The following KDM4C variants were observed in gnomAD, a reference collection of about 807,000 sequenced individuals.
The protein encoded by KDM4C is lysine-specific demethylase 4C.
In KDM4C, 81 loss-of-function variants were observed where a neutral mutation model predicts 129.3. The ratio of observed to expected loss-of-function variants is 0.63; its 90% CI spans 0.52 to 0.75. The LOEUF (loss-of-function observed/expected upper bound fraction) is 0.75, where lower values mean the gene tolerates loss of function less well. KDM4C is among the 30% of genes least tolerant of loss of function. KDM4C has a pLI of 0.00. For synonymous variants in KDM4C, 573 were observed against 456.1 expected (o/e 1.26, Z -3.26); for missense variants, 1,457 against 1,304.0 (o/e 1.12, Z -1.81).
intron 19 of KDM4C, among the ~76,000 whole-genome samples, chr9:7,157,725 G>A (rs1843340116): frequency 6.6e-6 from 1 of 152,208 alleles, no homozygotes; most frequent in Non-Finnish European, 1.5e-5. Flanking sequence ...TGGTGGGTAA[G>A]CTTTTTGATG....
At chr9:6,735,265 G>C (rs935534563) in intron 1 of KDM4C, among the ~76,000 whole-genome samples, 1 of 152,070 alleles carries the variant, frequency 6.6e-6, no homozygotes, top group African/African-American at 2.4e-5. Context: ...GTGTTGTCTG[G>C]TAGGAAAATG....
chr9:6,753,020 C>G (rs991291451), upstream of KDM4C, among the ~76,000 whole-genome samples: 1 of 152,140 alleles, frequency 6.6e-6, no homozygotes, highest in African/African-American at 2.4e-5. Context: ...ACTGAGGAGT[C>G]AGAAATAGCA....
intron 15 of KDM4C, among the ~76,000 whole-genome samples, chr9:7,022,120 T>C (rs567812309): frequency 5.9e-5 from 9 of 152,316 alleles, no homozygotes; most frequent in Non-Finnish European, 8.8e-5. Flanking sequence ...TTGCTTAGGA[T>C]AGTTTTGGCT....
At chr9:6,779,282 C>G (rs1445354777) in intron 1 of KDM4C, among the ~76,000 whole-genome samples, 1 of 152,128 alleles carries the variant, frequency 6.6e-6, no homozygotes, top group Non-Finnish European at 1.5e-5. Context: ...TCCCAGAGTG[C>G]TGGGATTACA....
At chr9:6,926,071 A>T (rs1822451929) in intron 8 of KDM4C, among the ~76,000 whole-genome samples, 1 of 152,096 alleles carries the variant, frequency 6.6e-6, no homozygotes, top group South Asian at 2.1e-4. Flanking sequence ...GAACTCAGTT[A>T]AGAAAGTGCT....
intron 17 of KDM4C, among the ~76,000 whole-genome samples, chr9:7,091,342 A>G (rs902735587): frequency 1.4e-4 from 21 of 152,202 alleles, no homozygotes; most frequent in African/African-American, 5.1e-4. Flanking sequence ...AGATTTCGGC[A>G]AACTTCACAC....
chr9:6,783,136 GT>G lies in KDM4C; in HGVS notation c.-17-9834del, dbSNP rs149676025. On this transcript the variant is annotated intron_variant, in intron 1 of 21. Transcript: ENST00000381309. ...ACCCTGGTAAAAGGTAGCTCCCACT[GT>G]TCTTGTTCTAAAGGGTTTTGTGGTC... Among the ~76,000 whole-genome samples, 67 of 152,256 alleles carry G rather than the reference GT, an allele frequency of 4.4e-4. 3 individuals are homozygous for G. The highest frequency in any genetic ancestry group is 3.2e-3 in the Admixed American group (49 of 15,280).
chr9:7,093,396 G>A (rs918422557), intron 17 of KDM4C, among the ~76,000 whole-genome samples: 2 of 151,948 alleles, frequency 1.3e-5, no homozygotes, highest in Non-Finnish European at 2.9e-5. Flanking sequence ...ATAACAACAC[G>A]AAAAAAGAAA....
intron 1 of KDM4C, among the ~76,000 whole-genome samples, chr9:6,776,050 C>T (rs72699645): frequency 0.096 from 14,672 of 152,188 alleles, 827 homozygotes; most frequent in Non-Finnish European, 0.11. Flanking sequence ...TATTTTTGTG[C>T]GTTCCGTATA....
chr9:6,922,308 T>TG (rs1411462609), intron 8 of KDM4C, among the ~76,000 whole-genome samples: 1 of 152,256 alleles, frequency 6.6e-6, no homozygotes, highest in Non-Finnish European at 1.5e-5. Context: ...ATGCAGGGCA[T>TG]GTGCATAGTA....
At chr9:6,855,884 G>A (rs1360985667) in intron 5 of KDM4C, among the ~76,000 whole-genome samples, 1 of 152,032 alleles carries the variant, frequency 6.6e-6, no homozygotes, top group Non-Finnish European at 1.5e-5. Context: ...TCATTCATTC[G>A]TTCATTCATT....
chr9:6,858,226 T>C (rs1840240840), intron 5 of KDM4C, among the ~76,000 whole-genome samples: 1 of 151,046 alleles, frequency 6.6e-6, no homozygotes, highest in Non-Finnish European at 1.5e-5. Flanking sequence ...CTGCTTTTGC[T>C]TATTTTGTTA....
At chr9:7,103,579 T>TG in intron 17 of KDM4C, 106 bp from the exon 18 acceptor site, 1 of 854,450 alleles carries the variant, frequency 1.2e-6, no homozygotes, top group Non-Finnish European at 1.8e-6. Context: ...TGTAATCAGT[T>TG]GTTTTTTTTT....
intron 17 of KDM4C, among the ~76,000 whole-genome samples, chr9:7,081,857 C>T (rs900780301): frequency 2.0e-5 from 3 of 152,080 alleles, no homozygotes; most frequent in Admixed American, 6.5e-5. Flanking sequence ...GTATTACCTC[C>T]GAAATTCAAG....
At chr9:6,743,495 C>G (rs918576325) in intron 1 of KDM4C, among the ~76,000 whole-genome samples, 1 of 150,952 alleles carries the variant, frequency 6.6e-6, no homozygotes, top group East Asian at 1.9e-4. Context: ...AAGAATAACA[C>G]AATATTTTCT....
intron 1 of KDM4C, among the ~76,000 whole-genome samples, chr9:6,738,959 G>A (rs1030100233): frequency 5.3e-5 from 8 of 151,738 alleles, no homozygotes; most frequent in Non-Finnish European, 8.8e-5. Flanking sequence ...GAAATCCTGG[G>A]CTCAATTTAT....
chr9:7,088,697 G>A (rs1018944709), intron 17 of KDM4C, among the ~76,000 whole-genome samples: 6 of 152,196 alleles, frequency 3.9e-5, no homozygotes, highest in East Asian at 1.9e-4. Context: ...GAGATTTGTC[G>A]CCATTTCCTG....
chr9:6,829,759 T>C (rs1480839296), intron 4 of KDM4C, among the ~76,000 whole-genome samples: 1 of 152,220 alleles, frequency 6.6e-6, no homozygotes, highest in African/African-American at 2.4e-5. Flanking sequence ...CAGAAGGGCA[T>C]TTCCCCTGCA....
At chr9:7,100,663 T>G (rs186636959) in intron 17 of KDM4C, among the ~76,000 whole-genome samples, 23 of 152,304 alleles carry the variant, frequency 1.5e-4, no homozygotes, top group African/African-American at 5.1e-4. Flanking sequence ...AAACATCATG[T>G]TAAAAACATT....
Sources: gnomAD v4.1 joint callset for allele counts (sites outside exome capture counted in the v4.1 genomes callset) on GRCh38, gnomAD v4.1.1 for gene constraint, MANE v1.5 for transcripts, NCBI Gene and HGNC (gene_info 2026-07-23, HGNC 2026-07-21) for gene names.